The following YAP1 variants were observed in gnomAD, a reference collection of about 807,000 sequenced individuals.
YAP1 encodes transcriptional coactivator YAP1.
In YAP1, 5 loss-of-function variants were observed where a neutral mutation model predicts 56.9. That is an observed-to-expected ratio of 0.09 (90% CI 0.05 to 0.18). YAP1 has a LOEUF of 0.18. Ranked by LOEUF, YAP1 falls within the 10% of genes least tolerant of loss-of-function variation. YAP1 has a pLI of 1.00. For missense variants in YAP1, 539 were observed against 651.8 expected (o/e 0.83, Z 1.88); for synonymous variants, 265 against 248.1 (o/e 1.07, Z -0.64).
chr11:102,219,296 A>G (rs538802205), intron 6 of YAP1, among the ~76,000 whole-genome samples: 2 of 152,262 alleles, frequency 1.3e-5, no homozygotes, highest in African/African-American at 4.8e-5. Context: ...CTCCAGAGTA[A>G]TTCATTCACT....
chr11:102,211,281 A>G (rs779818286), intron 6 of YAP1, among the ~76,000 whole-genome samples: 4 of 152,196 alleles, frequency 2.6e-5, no homozygotes, highest in Non-Finnish European at 5.9e-5. Flanking sequence ...GTAAATCTTT[A>G]CTGTTATTAA....
intron 2 of YAP1, among the ~76,000 whole-genome samples, chr11:102,152,448 G>A (rs948088511): frequency 1.3e-5 from 2 of 152,202 alleles, no homozygotes; most frequent in Non-Finnish European, 2.9e-5. Context: ...GATTTGAGAG[G>A]TAAGTCTGGG....
intron 4 of YAP1, among the ~76,000 whole-genome samples, chr11:102,193,843 GTT>G (rs1217589631): frequency 2.1e-5 from 3 of 143,308 alleles, no homozygotes; most frequent in African/African-American, 2.5e-5. Flanking sequence ...TTTGATTTTT[GTT>G]TTTTTTTTTT....
At chr11:102,176,669 C>G (rs909762824) in intron 3 of YAP1, among the ~76,000 whole-genome samples, 13 of 135,150 alleles carry the variant, frequency 9.6e-5, no homozygotes, top group Non-Finnish European at 1.7e-4. Context: ...TCACTTGAAC[C>G]CAGGAGGCGG....
At chr11:102,189,790 C>A (rs147780709) in intron 4 of YAP1, among the ~76,000 whole-genome samples, 85 of 152,146 alleles carry the variant, frequency 5.6e-4, no homozygotes, top group African/African-American at 1.8e-3. Context: ...AATACAAATA[C>A]CTATATGCAA....
At chr11:102,127,048 G>T (rs1944073935) in intron 2 of YAP1, among the ~76,000 whole-genome samples, 1 of 152,216 alleles carries the variant, frequency 6.6e-6, no homozygotes, top group Non-Finnish European at 1.5e-5. Context: ...TTCAAAAGGT[G>T]ACTTGGGTGC....
chr11:102,228,115 T>A (rs1455183889), intron 8 of YAP1, among the ~76,000 whole-genome samples: 2 of 151,940 alleles, frequency 1.3e-5, no homozygotes, highest in African/African-American at 4.8e-5. Flanking sequence ...TCTGATAACA[T>A]GACTTATGTT....
chr11:102,223,792 C>T lies in YAP1; in HGVS notation c.1163+40C>T, dbSNP rs375734327. ...CTACTGGTGAATATCTGAAAAGGAT[C>T]ATTGCTTTAAAATCATTCTGCTTAG... On this transcript the variant is annotated intron_variant, in intron 7 of 8. Coordinates refer to ENST00000282441, the MANE Select transcript of YAP1 (RefSeq NM_001130145.3). 5.2e-5 allele frequency: 84 copies of T among 1,610,798 alleles called. No individual in the cohort carries two copies. In the South Asian group the frequency reaches 6.7e-4, roughly 13 times the overall value.
At chr11:102,206,205 A>T (rs764806912) in intron 5 of YAP1, 131 bp downstream of exon 5, 4 of 1,108,512 alleles carry the variant, frequency 3.6e-6, no homozygotes, top group Non-Finnish European at 5.1e-6. Flanking sequence ...ACACAGAAGC[A>T]TTCTATCCAG....
At chr11:102,181,613 TAAAA>T (rs554834404) in intron 3 of YAP1, among the ~76,000 whole-genome samples, 1 of 151,170 alleles carries the variant, frequency 6.6e-6, no homozygotes, top group Non-Finnish European at 1.5e-5. Context: ...AAATAAAATT[TAAAA>T]AAAAACGTAC....
chr11:102,112,616 C>T, intron 1 of YAP1: 2 of 985,104 alleles, frequency 2.0e-6, no homozygotes, highest in Non-Finnish European at 2.4e-6. Context: ...TGTATAGTCT[C>T]CTGTCGGAGA....
chr11:102,190,379 C>T (rs1294424155), intron 4 of YAP1, among the ~76,000 whole-genome samples: 4 of 152,118 alleles, frequency 2.6e-5, no homozygotes, highest in Non-Finnish European at 5.9e-5. Context: ...GCCTGTAATC[C>T]CAGCACTTTG....
chr11:102,159,402 T>A (rs1314657032), intron 2 of YAP1, among the ~76,000 whole-genome samples: 2 of 152,232 alleles, frequency 1.3e-5, no homozygotes, highest in Non-Finnish European at 2.9e-5. Flanking sequence ...TTTTTATCAT[T>A]TCTGTTCCTT....
chr11:102,176,485 C>CA (rs1267098515), intron 3 of YAP1, among the ~76,000 whole-genome samples: 2 of 152,128 alleles, frequency 1.3e-5, no homozygotes, highest in East Asian at 3.9e-4. Flanking sequence ...CGGTGGCTCA[C>CA]GCCTGTAATC....
At chr11:102,122,424 CAA>C (rs34741279) in intron 2 of YAP1, among the ~76,000 whole-genome samples, 42 of 144,174 alleles carry the variant, frequency 2.9e-4, no homozygotes, top group Middle Eastern at 7.2e-3. Flanking sequence ...GACTCTGTCT[CAA>C]AAAAAAAAAA....
intron 2 of YAP1, among the ~76,000 whole-genome samples, chr11:102,124,678 C>T (rs551838632): frequency 6.6e-6 from 1 of 152,086 alleles, no homozygotes; most frequent in South Asian, 2.1e-4. Flanking sequence ...GTTATGTTTT[C>T]TGGGAGATCC....
At chr11:102,170,966 CAAAA>C (rs5794159) in intron 3 of YAP1, among the ~76,000 whole-genome samples, 1 of 129,240 alleles carries the variant, frequency 7.7e-6, no homozygotes, top group Non-Finnish European at 1.7e-5. Flanking sequence ...GACTCTGTCT[CAAAA>C]AAAAAAAAAA....
At chr11:102,205,739 C>G (rs1214492139) in intron 4 of YAP1, among the ~76,000 whole-genome samples, 154 bp from the exon 5 acceptor site, 3 of 152,170 alleles carry the variant, frequency 2.0e-5, no homozygotes, top group Non-Finnish European at 4.4e-5. Context: ...TTAATGTAGT[C>G]ATTGTGATAT....
chr11:102,140,463 A>G (rs1944951562), intron 2 of YAP1, among the ~76,000 whole-genome samples: 1 of 152,190 alleles, frequency 6.6e-6, no homozygotes, highest in African/African-American at 2.4e-5. Flanking sequence ...CCCCATGCCA[A>G]CAAAACTACG....
Sources: allele counts gnomAD v4.1 joint callset (sites outside exome capture counted in the v4.1 genomes callset), GRCh38; gene constraint gnomAD v4.1.1; transcripts MANE v1.5; gene names NCBI Gene and HGNC (gene_info 2026-07-23, HGNC 2026-07-21).